Variants in SPTA1 observed in about 807,000 individuals in gnomAD.
SPTA1 encodes the protein spectrin alpha, erythrocytic 1, also known as spectrin alpha chain, erythrocytic 1.
Under a neutral mutation model 324.7 loss-of-function variants are expected in SPTA1, and 177 were observed. The ratio of observed to expected loss-of-function variants is 0.55; its 90% CI spans 0.48 to 0.62. The LOEUF (loss-of-function observed/expected upper bound fraction) is 0.62, where lower values mean the gene tolerates loss of function less well. SPTA1 is among the 20% of genes least tolerant of loss of function. The probability of loss-of-function intolerance (pLI) is 0.00; values close to 1 mark genes in which losing one functional copy is unlikely to be tolerated. For missense variants in SPTA1, 3,162 were observed against 2,883.6 expected (o/e 1.10, Z -2.21); for synonymous variants, 1,195 against 1,041.3 (o/e 1.15, Z -2.84).
intron 36 of SPTA1, 66 bp from the exon 37 acceptor site, chr1:158,636,827 C>T (rs1463863261): frequency 1.2e-5 from 19 of 1,608,276 alleles, no homozygotes; most frequent in Middle Eastern, 3.4e-4. Context: ...ACAGCAATAG[C>T]TTTCTATGAC....
Position 158,642,561 on chromosome 1 carries a change from A to C in SPTA1, c.4606-19T>G, listed in dbSNP as rs565678249. 6.2e-7 allele frequency: 1 copy of C among 1,613,210 alleles called. No individual in the cohort carries two copies. The highest frequency in any genetic ancestry group is 1.1e-5 in the South Asian group (1 of 91,048). ...ATTTCCTCTGAAGGGAAAATGAAAC[A>C]GAAATTATATTATCTTTTTATTTAT... On this transcript the variant is annotated intron_variant, in intron 32 of 51. Coordinates refer to ENST00000643759, the MANE Select transcript of SPTA1 (RefSeq NM_003126.4).
At chr1:158,678,629 T>C (rs1183182778) in intron 5 of SPTA1, 95 bp from the exon 6 acceptor site, 2 of 1,447,366 alleles carry the variant, frequency 1.4e-6, no homozygotes, top group African/African-American at 1.4e-5. Flanking sequence ...TTCATACTTT[T>C]ACAGAAGTGA....
At chr1:158,656,203 A>T (rs907583179) in intron 20 of SPTA1, among the ~76,000 whole-genome samples, 15 of 152,180 alleles carry the variant, frequency 9.9e-5, no homozygotes, top group Admixed American at 2.0e-4. Flanking sequence ...GACATTTAAT[A>T]AGTTTTGGCA....
At chr1:158,671,114 T>A (rs762012533) in intron 12 of SPTA1, among the ~76,000 whole-genome samples, 1 of 152,166 alleles carries the variant, frequency 6.6e-6, no homozygotes, top group African/African-American at 2.4e-5. Flanking sequence ...AGATTAGTAT[T>A]AAGTTTTGGC....
chr1:158,645,663 A>T (rs1651946385), intron 27 of SPTA1, 69 bp from the exon 28 acceptor site: 1 of 1,508,260 alleles, frequency 6.6e-7, no homozygotes, highest in South Asian at 1.1e-5. Context: ...TTTGTCCTAC[A>T]GTTTTCCATT....
intron 16 of SPTA1, among the ~76,000 whole-genome samples, chr1:158,665,693 C>T (rs992705871): frequency 6.6e-6 from 1 of 152,138 alleles, no homozygotes; most frequent in African/African-American, 2.4e-5. Flanking sequence ...TGTTAATTTT[C>T]GCTGTCACAT....
intron 14 of SPTA1, among the ~76,000 whole-genome samples, chr1:158,668,445 T>G (rs547551428): frequency 4.0e-4 from 61 of 152,278 alleles, no homozygotes; most frequent in African/African-American, 1.3e-3. Flanking sequence ...AAACATATAG[T>G]GGAGCCATAA....
chr1:158,673,694 G>A (rs546484351), intron 10 of SPTA1, among the ~76,000 whole-genome samples: 5 of 152,304 alleles, frequency 3.3e-5, no homozygotes, highest in African/African-American at 1.2e-4. Context: ...CTAGAGATGA[G>A]CATGGGAAGG....
At chr1:158,681,080 AT>A (rs1179972816) in intron 4 of SPTA1, among the ~76,000 whole-genome samples, 3 of 152,148 alleles carry the variant, frequency 2.0e-5, no homozygotes, top group Non-Finnish European at 4.4e-5. Context: ...GCATTTGCTT[AT>A]CTAAATCTTT....
chr1:158,654,009 T>G (rs1411874800), intron 21 of SPTA1, among the ~76,000 whole-genome samples: 1 of 152,202 alleles, frequency 6.6e-6, no homozygotes, highest in Non-Finnish European at 1.5e-5. Flanking sequence ...CATCTGCCGC[T>G]CCAAACATTT....
At position 158,678,401 on chromosome 1, in the gene SPTA1, CT is replaced by C; in HGVS notation, c.811del (p.Arg271GlyfsTer3). Reference protein sequence around the residue: ...SNAANLQRFKRDVTEAIQWIK... With the variant: ...SNAANLQRFKXDVTEAIQWIK... ...TATAAAGCAGTGGCCAGATCCATACCTTTTGAATCGTTGTAAGTTTGCAGCA... is the reference window on the plus strand; with the variant it reads ...TATAAAGCAGTGGCCAGATCCATACCTTTGAATCGTTGTAAGTTTGCAGCA... On this transcript the variant is annotated frameshift_variant and splice_region_variant, in exon 6 of 52. Transcript: ENST00000643759. LOFTEE classifies it high-confidence loss of function. The C allele has an allele frequency of 6.2e-7, 1 of 1,613,488 alleles. No homozygotes were observed. The highest frequency in any genetic ancestry group is 8.5e-7 in the Non-Finnish European group (1 of 1,179,604).
chr1:158,645,848 T>A (rs1049676791), intron 27 of SPTA1, among the ~76,000 whole-genome samples: 13 of 152,192 alleles, frequency 8.5e-5, no homozygotes, highest in Non-Finnish European at 1.8e-4. Context: ...ATTCCGGGAA[T>A]TTTTTGTTTT....
At chr1:158,632,965 C>G (rs1229480655) in intron 39 of SPTA1, among the ~76,000 whole-genome samples, 1 of 152,172 alleles carries the variant, frequency 6.6e-6, no homozygotes, top group Non-Finnish European at 1.5e-5. Flanking sequence ...CTGTGATATT[C>G]TTATACCACG....
chr1:158,612,918 CA>C lies in SPTA1; in HGVS notation c.7032del (p.Ile2344MetfsTer14). On this transcript the variant is annotated frameshift_variant, in exon 51 of 52. Coordinates refer to ENST00000643759, the MANE Select transcript of SPTA1 (RefSeq NM_003126.4). LOFTEE classifies it high-confidence loss of function. ...VSLEDYTAFL[I>X]DKESENIKSS... is the part of the protein sequence containing the mutation. ...GACTTGATGTTTTCTGACTCCTTGT[CA>C]ATCAGGAAAGCAGTATAGTCCTCCA... is the stretch of plus-strand genomic sequence containing the variant. The C allele has an allele frequency of 6.2e-7, 1 of 1,613,922 alleles. No individual in the cohort carries two copies. The highest frequency in any genetic ancestry group is 1.3e-5 in the African/African-American group (1 of 75,028).
intron 16 of SPTA1, 128 bp from the exon 17 acceptor site, chr1:158,663,073 T>A: frequency 7.5e-7 from 1 of 1,324,988 alleles, no homozygotes; most frequent in Non-Finnish European, 1.1e-6. Flanking sequence ...GATCTCTAAT[T>A]AAATCAGTGA....
chr1:158,648,601 C>T lies in SPTA1; in HGVS notation c.3622G>A (p.Ala1208Thr), dbSNP rs180925766. Residue 1208 changes from alanine (A) to threonine (T), a missense_variant, in exon 26 of 52, where the codon GCT (alanine) becomes ACT (threonine). Transcript: ENST00000643759. ...AACAGATCTGAGCCAGGGTCTGCAG[C>T]ACTGAGGGCCTGGCATTTCTTCTCA... The part of the protein sequence containing the change: ...QIEKKCQALS[A>T]ADPGSDLFSV... 3.5e-5 allele frequency: 57 copies of T among 1,613,976 alleles called. No homozygotes were observed. In the African/African-American group the frequency reaches 7.2e-4, roughly 20 times the overall value.
intron 30 of SPTA1, among the ~76,000 whole-genome samples, chr1:158,643,940 C>A (rs968545351): frequency 6.6e-6 from 1 of 151,946 alleles, no homozygotes; most frequent in African/African-American, 2.4e-5. Context: ...AGTTCGAGAC[C>A]AGCCTGGCTA....
chr1:158,676,676 C>T (rs947271115), intron 7 of SPTA1, among the ~76,000 whole-genome samples: 1 of 152,136 alleles, frequency 6.6e-6, no homozygotes, highest in Admixed American at 6.5e-5. Context: ...CCCCACCCCT[C>T]TATAACATTT....
rs55832242 is a variant in SPTA1, at chr1:158,611,131, GCACACA to G, written c.*127_*132del. On this transcript the variant is annotated 3_prime_UTR_variant, in exon 52 of 52. Transcript: ENST00000643759. ...AAATGTAATATGCACACAAACACAA[GCACACA>G]CACACACACACACACACACACACAC... 7.7e-3 allele frequency: 5,135 copies of G among 667,742 alleles called. 3 individuals carry two copies. The highest frequency in any genetic ancestry group is 0.015 in the East Asian group (466 of 30,566). 41.4% of individuals were successfully genotyped at this position (667,742 alleles called of 1,614,324 possible). A position where few individuals can be genotyped will look rare whatever the true frequency, so the allele number is the denominator to read the frequency against.
Sources: gnomAD v4.1 joint callset for allele counts (sites outside exome capture counted in the v4.1 genomes callset) on GRCh38, gnomAD v4.1.1 for gene constraint, MANE v1.5 for transcripts, NCBI Gene and HGNC (gene_info 2026-07-23, HGNC 2026-07-21) for gene names.